The following EPB41 variants were observed in gnomAD, a reference collection of about 807,000 sequenced individuals.
EPB41 encodes the protein protein 4.1.
In EPB41, 65 loss-of-function variants were observed where a neutral mutation model predicts 108.0. The observed-to-expected ratio is 0.60, with a 90% CI of 0.49 to 0.74. The LOEUF (loss-of-function observed/expected upper bound fraction) is 0.74. Among genes scored for constraint, EPB41 ranks in the 30% least tolerant of loss-of-function variants. EPB41 has a pLI of 0.00. For synonymous variants in EPB41, 336 were observed against 358.9 expected, an observed-to-expected ratio of 0.94 and a Z score of 0.72; for missense variants, 875 against 1,037.0, an observed-to-expected ratio of 0.84 and a Z score of 2.15.
At chr1:29,055,610 C>T (rs568984572) in intron 12 of EPB41, among the ~76,000 whole-genome samples, 1 of 151,426 alleles carries the variant, frequency 6.6e-6, no homozygotes, top group South Asian at 2.1e-4. Context: ...ATAGTGGTGG[C>T]AGAATTAAGG....
chr1:29,028,158 A>G (rs770062938), intron 7 of EPB41, among the ~76,000 whole-genome samples: 1 of 152,154 alleles, frequency 6.6e-6, no homozygotes, highest in Admixed American at 6.6e-5. Context: ...ATGCTTATTT[A>G]TAGAAGCATG....
At chr1:28,968,932 T>C (rs1160021837) in intron 1 of EPB41, among the ~76,000 whole-genome samples, 3 of 147,382 alleles carry the variant, frequency 2.0e-5, no homozygotes, top group Non-Finnish European at 4.4e-5. Context: ...ACCACTGGAC[T>C]CCAGCCTGGG....
intron 11 of EPB41, among the ~76,000 whole-genome samples, chr1:29,047,624 T>C (rs1643683415): frequency 6.6e-6 from 1 of 152,138 alleles, no homozygotes; most frequent in Admixed American, 6.5e-5. Context: ...GCTGGGTATC[T>C]TTTCAATATC....
At chr1:29,052,970 C>T (rs951426930) in intron 11 of EPB41, 134 bp from the exon 12 acceptor site, 8 of 957,018 alleles carry the variant, frequency 8.4e-6, no homozygotes, top group Non-Finnish European at 1.3e-5. Flanking sequence ...ATTTTTTACC[C>T]TCTGTGTGAT....
chr1:29,086,546 A>G (rs1659022545), intron 16 of EPB41, among the ~76,000 whole-genome samples: 1 of 152,158 alleles, frequency 6.6e-6, no homozygotes, highest in Non-Finnish European at 1.5e-5. Flanking sequence ...TGCTGGGATT[A>G]CAGGCATGAG....
intron 19 of EPB41, among the ~76,000 whole-genome samples, chr1:29,112,708 T>G (rs138715716): frequency 1.2e-3 from 177 of 152,342 alleles, no homozygotes; most frequent in Middle Eastern, 3.4e-3. Context: ...TAATATATTC[T>G]AGCTGTTAAC....
At chr1:28,952,386 C>A (rs981680159) in intron 1 of EPB41, among the ~76,000 whole-genome samples, 1 of 152,036 alleles carries the variant, frequency 6.6e-6, no homozygotes, top group Non-Finnish European at 1.5e-5. Flanking sequence ...ATTAGCCATG[C>A]ATGGTGGCGC....
intron 1 of EPB41, among the ~76,000 whole-genome samples, chr1:28,917,162 C>G (rs535747239): frequency 6.6e-6 from 1 of 152,176 alleles, no homozygotes; most frequent in East Asian, 1.9e-4. Context: ...TACAATCTAC[C>G]TTTCCACCTT....
Position 29,035,943 on chromosome 1 carries a change from A to G in EPB41, c.1463+20A>G. On this transcript the variant is annotated intron_variant, in intron 10 of 20. Transcript: ENST00000343067. ...TTTCAGGTATTATTCTCACTTAAGTATTTTTCAAGGATAAATTATTTATAA... is the reference window on the plus strand; with the variant it reads ...TTTCAGGTATTATTCTCACTTAAGTGTTTTTCAAGGATAAATTATTTATAA... 2.6e-6 allele frequency: 4 copies of G among 1,543,990 alleles called. No individual in the cohort carries two copies. The highest frequency in any genetic ancestry group is 3.6e-6 in the Non-Finnish European group (4 of 1,116,486).
intron 5 of EPB41, among the ~76,000 whole-genome samples, chr1:29,012,680 A>C (rs1156666791): frequency 6.6e-6 from 1 of 152,232 alleles, no homozygotes; most frequent in Non-Finnish European, 1.5e-5. Flanking sequence ...AGTAAGTTTT[A>C]ACACTCACCT....
At chr1:28,907,369 C>CTT (rs34396630) in intron 1 of EPB41, among the ~76,000 whole-genome samples, 2 of 150,686 alleles carry the variant, frequency 1.3e-5, no homozygotes, top group African/African-American at 4.9e-5. Flanking sequence ...ACCCGGCCTT[C>CTT]TTTTTTTTTC....
intron 1 of EPB41, chr1:28,982,304 A>T: frequency 5.1e-6 from 3 of 591,600 alleles, no homozygotes; most frequent in Non-Finnish European, 9.7e-6. Context: ...TGGAAGAACT[A>T]CTTGTTCTTG....
chr1:29,057,373 CAAAAA>C (rs72047998), intron 12 of EPB41, among the ~76,000 whole-genome samples: 15 of 65,294 alleles, frequency 2.3e-4, no homozygotes, highest in East Asian at 5.3e-4. Context: ...GACTCTGTCT[CAAAAA>C]AAAAAAAAAA....
rs2153166 is a variant in EPB41, at chr1:29,059,136, G to A, written c.1944+284G>A. The stretch of plus-strand genomic sequence containing the variant: ...CTAAAAATACAAAAATTAGCCAGGC[G>A]TGTTGGTGCACGCCTTTAATCCCAG... On this transcript the variant is annotated intron_variant, in intron 14 of 20. Coordinates refer to ENST00000343067, the MANE Select transcript of EPB41 (RefSeq NM_001376013.1). 0.42 allele frequency among the ~76,000 whole-genome samples: 63,861 copies of A among 151,998 alleles called. 15,257 individuals are homozygous for A. The highest frequency in any genetic ancestry group is 0.56 in the South Asian group (2,695 of 4,812).
At chr1:29,009,940 T>C (rs1385049661) in intron 4 of EPB41, among the ~76,000 whole-genome samples, 1 of 152,224 alleles carries the variant, frequency 6.6e-6, no homozygotes, top group Non-Finnish European at 1.5e-5. Flanking sequence ...TTTTAAAATG[T>C]GGTGTTCAAG....
At chr1:29,065,384 T>A in intron 16 of EPB41, 2 of 601,436 alleles carry the variant, frequency 3.3e-6, no homozygotes, top group Non-Finnish European at 5.1e-6. Flanking sequence ...CAGTAGATGA[T>A]TAGCCTCTGA....
At position 28,900,151 on chromosome 1, in the gene EPB41, A is replaced by G. The variant is rs1030988175; in HGVS notation, c.-8+12941A>G. Among the ~76,000 whole-genome samples, 3 of 152,198 alleles carry G rather than the reference A, an allele frequency of 2.0e-5. No individual in the cohort carries two copies. The South Asian group carries it at 6.2e-4, about 32-fold the overall frequency. ...TGAGAAGGAAGGACTTGAGAAATGTACAGGATTGATTGAATTATTCATTCA... is the reference window on the plus strand; with the variant it reads ...TGAGAAGGAAGGACTTGAGAAATGTGCAGGATTGATTGAATTATTCATTCA... On this transcript the variant is annotated intron_variant, in intron 1 of 16. Coordinates refer to the EPB41 transcript ENST00000347529.
chr1:29,061,512 G>A (rs1421730591), intron 15 of EPB41, among the ~76,000 whole-genome samples: 1 of 147,716 alleles, frequency 6.8e-6, no homozygotes, highest in Non-Finnish European at 1.5e-5. Flanking sequence ...CTCGTGATTC[G>A]CCCACCTTGG....
chr1:29,012,905 A>G (rs1272230256), intron 5 of EPB41, among the ~76,000 whole-genome samples: 1 of 152,252 alleles, frequency 6.6e-6, no homozygotes, highest in Non-Finnish European at 1.5e-5. Flanking sequence ...AATATTTGAG[A>G]CACCACAAGA....
Sources: gnomAD v4.1 joint callset for allele counts (sites outside exome capture counted in the v4.1 genomes callset) on GRCh38, gnomAD v4.1.1 for gene constraint, MANE v1.5 for transcripts, NCBI Gene and HGNC (gene_info 2026-07-23, HGNC 2026-07-21) for gene names.